Variants in TNFSF4 observed in about 807,000 individuals in gnomAD.
TNFSF4 encodes TNF superfamily member 4.
Under a neutral mutation model 7.3 loss-of-function variants are expected in TNFSF4, and 4 were observed. The ratio of observed to expected loss-of-function variants is 0.55; its 90% CI spans 0.27 to 1.25. The LOEUF (loss-of-function observed/expected upper bound fraction) is 1.25. Ranked by LOEUF, TNFSF4 falls within the 50% of genes most tolerant of loss-of-function variation. The pLI is 0.12. For synonymous variants in TNFSF4, 76 were observed against 83.7 expected, an observed-to-expected ratio of 0.91 and a Z score of 0.50; for missense variants, 181 against 208.8, an observed-to-expected ratio of 0.87 and a Z score of 0.82.
At chr1:173,383,890 A>C in the TNFSF4 span, among the ~76,000 whole-genome samples, 1 of 152,174 alleles carries the variant, frequency 6.6e-6, no homozygotes, top group Non-Finnish European at 1.5e-5. Flanking sequence ...ACCACTCAGG[A>C]ATAATTTGAG....
chr1:173,432,610 T>C, the TNFSF4 span, among the ~76,000 whole-genome samples: 1 of 152,080 alleles, frequency 6.6e-6, no homozygotes, highest in African/African-American at 2.4e-5. Flanking sequence ...GTCTGTTGTT[T>C]AAGCCACCCA....
chr1:173,279,764 C>G, the TNFSF4 span, among the ~76,000 whole-genome samples: 26 of 152,246 alleles, frequency 1.7e-4, no homozygotes, highest in South Asian at 2.1e-4. Context: ...TTCCTTCTCT[C>G]ATTTCCCAGT....
the TNFSF4 span, among the ~76,000 whole-genome samples, chr1:173,432,653 A>C: frequency 6.6e-6 from 1 of 152,174 alleles, no homozygotes; most frequent in Non-Finnish European, 1.5e-5. Flanking sequence ...CAACCCAAGC[A>C]GACTAATAAA....
chr1:173,380,630 C>A, the TNFSF4 span, among the ~76,000 whole-genome samples: 1 of 152,116 alleles, frequency 6.6e-6, no homozygotes, highest in Non-Finnish European at 1.5e-5. Flanking sequence ...AGCAGCGTCC[C>A]CACCACTAGT....
At chr1:173,243,007 G>C in the TNFSF4 span, among the ~76,000 whole-genome samples, 1 of 103,480 alleles carries the variant, frequency 9.7e-6, no homozygotes, top group Non-Finnish European at 2.1e-5. Flanking sequence ...TGGTGGGTGG[G>C]GGGGGGGGGG....
chr1:173,387,066 T>C, the TNFSF4 span, among the ~76,000 whole-genome samples: 1 of 152,144 alleles, frequency 6.6e-6, no homozygotes, highest in African/African-American at 2.4e-5. Flanking sequence ...GATACTTAGA[T>C]GAGGCTCTGG....
chr1:173,273,957 C>A, the TNFSF4 span, among the ~76,000 whole-genome samples: 1 of 151,994 alleles, frequency 6.6e-6, no homozygotes, highest in African/African-American at 2.4e-5. Flanking sequence ...TTTATTATTT[C>A]TAATTACAAA....
chr1:173,318,992 G>C, the TNFSF4 span, among the ~76,000 whole-genome samples: 1,887 of 152,314 alleles, frequency 0.012, 37 homozygotes, highest in African/African-American at 0.044. Flanking sequence ...CAGTGAGACA[G>C]AACCATTCAC....
chr1:173,255,188 G>A, the TNFSF4 span, among the ~76,000 whole-genome samples: 1 of 152,208 alleles, frequency 6.6e-6, no homozygotes, highest in Non-Finnish European at 1.5e-5. Flanking sequence ...AAAAGAATGT[G>A]TGTACAATTA....
chr1:173,335,550 C>G, the TNFSF4 span, among the ~76,000 whole-genome samples: 1 of 152,140 alleles, frequency 6.6e-6, no homozygotes, highest in Non-Finnish European at 1.5e-5. Context: ...TCAGGCCCAC[C>G]TAAGGCACCA....
the TNFSF4 span, among the ~76,000 whole-genome samples, chr1:173,419,122 G>A: frequency 4.6e-5 from 7 of 152,122 alleles, no homozygotes; most frequent in Non-Finnish European, 7.4e-5. Flanking sequence ...GGCAGATCAC[G>A]AGGTCAGGAG....
the TNFSF4 span, among the ~76,000 whole-genome samples, chr1:173,434,288 TA>T: frequency 6.6e-6 from 1 of 152,256 alleles, no homozygotes; most frequent in Non-Finnish European, 1.5e-5. Context: ...AAGTGCATGT[TA>T]ACTGTTATTA....
At chr1:173,375,720 G>A in the TNFSF4 span, among the ~76,000 whole-genome samples, 3 of 152,102 alleles carry the variant, frequency 2.0e-5, no homozygotes, top group African/African-American at 7.2e-5. Context: ...ACTCTGATAG[G>A]ACAAAAATAG....
the TNFSF4 span, among the ~76,000 whole-genome samples, chr1:173,234,839 A>G: frequency 6.6e-6 from 1 of 152,154 alleles, no homozygotes; most frequent in African/African-American, 2.4e-5. Context: ...GATATACCCA[A>G]TGTAAACGAC....
At chr1:173,325,080 C>T in the TNFSF4 span, among the ~76,000 whole-genome samples, 2 of 152,132 alleles carry the variant, frequency 1.3e-5, no homozygotes, top group African/African-American at 2.4e-5. Context: ...AGCACCACAC[C>T]ACACCTATTC....
the TNFSF4 span, among the ~76,000 whole-genome samples, chr1:173,221,949 T>C: frequency 6.6e-6 from 1 of 152,218 alleles, no homozygotes; most frequent in African/African-American, 2.4e-5. Flanking sequence ...TTGGAAGTTT[T>C]CTTGTCAAGG....
chr1:173,427,193 G>A, the TNFSF4 span, among the ~76,000 whole-genome samples: 3 of 152,208 alleles, frequency 2.0e-5, no homozygotes, highest in East Asian at 5.8e-4. Flanking sequence ...ATTAGCACTT[G>A]AAACGTTAAA....
chr1:173,333,178 C>T, the TNFSF4 span, among the ~76,000 whole-genome samples: 1 of 152,272 alleles, frequency 6.6e-6, no homozygotes, highest in East Asian at 1.9e-4. Flanking sequence ...TGACTTGACA[C>T]AGGGTACACA....
chr1:173,339,908 G>A, the TNFSF4 span, among the ~76,000 whole-genome samples: 3 of 152,138 alleles, frequency 2.0e-5, no homozygotes, highest in African/African-American at 4.8e-5. Flanking sequence ...TCTTGACTAG[G>A]CAAAGGTGTG....
Sources: gnomAD v4.1 joint callset for allele counts (sites outside exome capture counted in the v4.1 genomes callset) on GRCh38, gnomAD v4.1.1 for gene constraint, MANE v1.5 for transcripts, NCBI Gene and HGNC (gene_info 2026-07-23, HGNC 2026-07-21) for gene names.